The following COLGALT1 variants were observed in gnomAD, a reference collection of about 807,000 sequenced individuals.
COLGALT1 encodes procollagen galactosyltransferase 1.
In COLGALT1, 43 loss-of-function variants were observed where a neutral mutation model predicts 60.8. The observed-to-expected ratio is 0.71, with a 90% confidence interval of 0.55 to 0.91. COLGALT1 has a LOEUF of 0.91. Ranked by LOEUF, COLGALT1 falls within the 40% of genes least tolerant of loss-of-function variation. The pLI, the probability that COLGALT1 is intolerant of heterozygous loss-of-function variation, is 0.00. For synonymous variants in COLGALT1, 369 were observed against 374.2 expected, an observed-to-expected ratio of 0.99 and a Z score of 0.16; for missense variants, 845 against 880.0, an observed-to-expected ratio of 0.96 and a Z score of 0.50.
In COLGALT1 at chr19:17,582,149, T is replaced by C. The variant is rs2076387667; in HGVS notation, c.*705T>C. 1 of 152,356 alleles carries C rather than the reference T, an allele frequency of 6.6e-6. No homozygotes were observed. Among genetic ancestry groups the C allele is most frequent in the East Asian group, 1.9e-4 (1 of 5,204 alleles). The allele number at this position is 152,356 out of a possible 1,614,324, so 9.4% of individuals were successfully genotyped here. A position where few individuals can be genotyped will look rare whatever the true frequency, so the allele number is the denominator to read the frequency against. On this transcript the variant is annotated 3_prime_UTR_variant, in exon 12 of 12. Coordinates refer to ENST00000252599, the MANE Select transcript of COLGALT1 (RefSeq NM_024656.4). ...GTCTCGAACTCCTGACCTCAAGTGA[T>C]CTGCCCGCCTTGGCCACCCAAAGTG... is the stretch of plus-strand genomic sequence containing the variant.
rs1167404599 is a variant in COLGALT1, at chr19:17,581,177, G to T, written c.1602G>T (p.Val534=). ...FLPVMFDKHP[V]SEYKAHFSLR... The stretch of plus-strand genomic sequence containing the variant: ...CTCACTCCCCTCCTCCTCCCCCCAG[G>T]TCCGAGTACAAGGCCCACTTCTCCC... Residue 534 remains valine, a splice_region_variant and synonymous_variant, in exon 12 of 12, where the codon GTG becomes GTT. Coordinates refer to ENST00000252599, the MANE Select transcript of COLGALT1 (RefSeq NM_024656.4). 1 of 1,604,004 alleles carries T rather than the reference G, an allele frequency of 6.2e-7. No homozygotes were observed. Among genetic ancestry groups the T allele is most frequent in the South Asian group, 1.1e-5 (1 of 90,808 alleles).
At chr19:17,579,452 C>A in intron 9 of COLGALT1, 30 bp from the exon 10 acceptor site, 2 of 1,614,030 alleles carry the variant, frequency 1.2e-6, no homozygotes, top group Non-Finnish European at 8.5e-7. Context: ...CCTTGGCCTC[C>A]CTGTGATGTG....
rs1446287258 is a variant in COLGALT1, at chr19:17,582,441, C to A, written c.*997C>A. The A allele has an allele frequency of 6.6e-6, 1 of 152,200 alleles. No individual in the cohort carries two copies. The highest frequency in any genetic ancestry group is 1.5e-5 in the Non-Finnish European group (1 of 68,040). 9.4% of individuals were successfully genotyped at this position (152,200 alleles called of 1,614,324 possible). A position where few individuals can be genotyped will look rare whatever the true frequency, so the allele number is the denominator to read the frequency against. The stretch of plus-strand genomic sequence containing the variant: ...TCACTGCTAGACGGTGTGGGAACTT[C>A]TCACTCATTGGCTTCTTTCCCACAC... On this transcript the variant is annotated 3_prime_UTR_variant, in exon 12 of 12. Transcript: ENST00000252599.
intron 3 of COLGALT1, among the ~76,000 whole-genome samples, chr19:17,562,088 C>T (rs2076252890): frequency 6.6e-6 from 1 of 152,164 alleles, no homozygotes; most frequent in Non-Finnish European, 1.5e-5. Context: ...CCAGGCTGGT[C>T]TCTAAAGTCC....
chr19:17,580,888 G>A lies in COLGALT1; in HGVS notation c.1584G>A (p.Met528Ile), dbSNP rs766548989. The A allele has an allele frequency of 5.0e-6, 8 of 1,613,874 alleles. No individual in the cohort carries two copies. The highest frequency in any genetic ancestry group is 6.8e-6 in the Non-Finnish European group (8 of 1,180,014). Residue 528 changes from methionine to isoleucine, a missense_variant, in exon 11 of 12, where the codon ATG becomes ATA. Coordinates refer to ENST00000252599, the MANE Select transcript of COLGALT1 (RefSeq NM_024656.4). ...MLPVDEFLPVMFDKHPVSEYK... is the reference protein window; with the variant it reads ...MLPVDEFLPVIFDKHPVSEYK... ...CTGTGGACGAGTTCCTGCCCGTCAT[G>A]TTCGACAAACACCCAGTGTGAGAGG... is the stretch of plus-strand genomic sequence containing the variant.
intron 8 of COLGALT1, 87 bp downstream of exon 8, chr19:17,577,554 G>A: frequency 8.2e-7 from 1 of 1,223,110 alleles, no homozygotes; most frequent in Non-Finnish European, 1.1e-6. Context: ...TGATTCAGAT[G>A]GGGGCGGGCG....
At chr19:17,557,945 T>A (rs1426569595) in intron 1 of COLGALT1, among the ~76,000 whole-genome samples, 1 of 151,976 alleles carries the variant, frequency 6.6e-6, no homozygotes, top group Non-Finnish European at 1.5e-5. Context: ...TTTTTATTTA[T>A]TTATTTTTTG....
chr19:17,580,853 A>T lies in COLGALT1; in HGVS notation c.1549A>T (p.Lys517Ter). 6.2e-7 allele frequency: 1 copy of T among 1,613,688 alleles called. No individual in the cohort carries two copies. The highest frequency in any genetic ancestry group is 8.5e-7 in the Non-Finnish European group (1 of 1,179,938). The part of the protein sequence containing the change: ...RKLLAAEPLS[K>*]MLPVDEFLPV... ...ACTGCTGGCTGCTGAGCCGCTCTCC[A>T]AGATGCTGCCTGTGGACGAGTTCCT... Residue 517 changes from lysine to a stop codon, truncating the protein, a stop_gained, in exon 11 of 12, where the codon AAG becomes TAG. Coordinates refer to ENST00000252599, the MANE Select transcript of COLGALT1 (RefSeq NM_024656.4). LOFTEE classifies it high-confidence loss of function.
chr19:17,563,046 G>C lies in COLGALT1; in HGVS notation c.489+2581G>C, dbSNP rs145568780. ...GAGCCTTCTGACACAAAGCTGCCTTGTCCTGCCTCTAGGATTTTGCTTTTG... is the reference window on the plus strand; with the variant it reads ...GAGCCTTCTGACACAAAGCTGCCTTCTCCTGCCTCTAGGATTTTGCTTTTG... On this transcript the variant is annotated intron_variant, in intron 3 of 11. Coordinates refer to ENST00000252599, the MANE Select transcript of COLGALT1 (RefSeq NM_024656.4). Among the ~76,000 whole-genome samples the C allele has an allele frequency of 6.0e-4, 92 of 152,184 alleles. 1 individual carries two copies. Among genetic ancestry groups the C allele is most frequent in the African/African-American group, 2.1e-3 (89 of 41,542 alleles).
At chr19:17,579,459 T>C in intron 9 of COLGALT1, 23 bp from the exon 10 acceptor site, 1 of 1,607,810 alleles carries the variant, frequency 6.2e-7, no homozygotes, top group Non-Finnish European at 8.5e-7. Context: ...CTCCCTGTGA[T>C]GTGGCGGGGC....
rs2076350296 is a variant in COLGALT1 at position 17,577,381 on chromosome 19, G to A, written c.1047G>A (p.Arg349=). ...GFDEVFMINL[R]RRQDRRERML... ...TGCAGGTCTTCATGATCAACCTGAG[G>A]CGGCGGCAGGACCGGCGGGAGCGCA... Residue 349 remains arginine (R), a synonymous_variant, in exon 8 of 12, where the codon AGG becomes AGA. Transcript: ENST00000252599. 1 of 1,596,412 alleles carries A rather than the reference G, an allele frequency of 6.3e-7. No individual in the cohort carries two copies. Among genetic ancestry groups the A allele is most frequent in the Non-Finnish European group, 8.5e-7 (1 of 1,173,820 alleles).
chr19:17,573,985 A>C (rs936934677), intron 6 of COLGALT1, among the ~76,000 whole-genome samples: 13 of 152,142 alleles, frequency 8.5e-5, no homozygotes, highest in African/African-American at 3.1e-4. Flanking sequence ...CTGTATCAAT[A>C]AATAAATAAA....
intron 1 of COLGALT1, among the ~76,000 whole-genome samples, 197 bp from the exon 2 acceptor site, chr19:17,559,114 C>T (rs912601014): frequency 2.0e-5 from 3 of 151,408 alleles, no homozygotes; most frequent in African/African-American, 7.3e-5. Flanking sequence ...GAGCCGAGAT[C>T]GCGCCACTGC....
At chr19:17,566,746 G>A (rs2076281697) in intron 3 of COLGALT1, among the ~76,000 whole-genome samples, 1 of 152,162 alleles carries the variant, frequency 6.6e-6, no homozygotes, top group Non-Finnish European at 1.5e-5. Flanking sequence ...AGTGGGCTAC[G>A]ATTACACCAT....
intron 6 of COLGALT1, 194 bp from the exon 7 acceptor site, chr19:17,577,001 G>GCAGAGAGGCAGGA: frequency 3.3e-6 from 2 of 604,676 alleles, no homozygotes; most frequent in East Asian, 2.8e-5. Flanking sequence ...TGTGGCCAGG[G>GCAGAGAGGCAGGA]CTTTGGGCTG....
At chr19:17,575,404 T>C (rs1324681616) in intron 6 of COLGALT1, among the ~76,000 whole-genome samples, 1 of 151,968 alleles carries the variant, frequency 6.6e-6, no homozygotes, top group Non-Finnish European at 1.5e-5. Flanking sequence ...TGCTACCACA[T>C]CCGGCTAATT....
chr19:17,556,491 C>T (rs2076212642), intron 1 of COLGALT1: 5 of 982,070 alleles, frequency 5.1e-6, no homozygotes, highest in Middle Eastern at 5.2e-4. Context: ...TGCCCTCAGA[C>T]CGGCGTGGGT....
At position 17,581,168 on chromosome 19, in the gene COLGALT1, TC is replaced by T; in HGVS notation, c.1602-3del. 6 of 1,589,436 alleles carry T rather than the reference TC, an allele frequency of 3.8e-6. No homozygotes were observed. Among genetic ancestry groups the T allele is most frequent in the Non-Finnish European group, 2.6e-6 (3 of 1,170,940 alleles). On this transcript the variant is annotated splice_region_variant and splice_polypyrimidine_tract_variant and intron_variant, in intron 11 of 11. Coordinates refer to ENST00000252599, the MANE Select transcript of COLGALT1 (RefSeq NM_024656.4). ...TTGCTGCCCCTCACTCCCCTCCTCC[TC>T]CCCCCAGGTCCGAGTACAAGGCCCA...
intron 1 of COLGALT1, chr19:17,556,397 G>A (rs2076211817): frequency 3.8e-6 from 1 of 261,810 alleles, no homozygotes; most frequent in Non-Finnish European, 5.9e-6. Flanking sequence ...GTTGCCAGAG[G>A]CCACATCTAA....
Sources: gnomAD v4.1 joint callset for allele counts (sites outside exome capture counted in the v4.1 genomes callset) on GRCh38, gnomAD v4.1.1 for gene constraint, MANE v1.5 for transcripts, NCBI Gene and HGNC (gene_info 2026-07-23, HGNC 2026-07-21) for gene names.